Variants in CAPN2 observed in about 807,000 individuals in gnomAD.
CAPN2 encodes calpain-2 catalytic subunit.
CAPN2 carries 92 observed loss-of-function variants against 102.3 expected under a neutral mutation model. That is an observed-to-expected ratio of 0.90 (90% CI 0.76 to 1.07). The LOEUF is 1.07. Ranked by LOEUF, CAPN2 falls within the 50% of genes least tolerant of loss-of-function variation. CAPN2 has a pLI of 0.00. For missense variants in CAPN2, 800 were observed against 909.4 expected (o/e 0.88, Z 1.55); for synonymous variants, 340 against 355.4 (o/e 0.96, Z 0.49).
chr1:223,751,486 A>AGT (rs1660896453), intron 7 of CAPN2, among the ~76,000 whole-genome samples: 1 of 152,198 alleles, frequency 6.6e-6, no homozygotes. Flanking sequence ...AGAGGTGGGC[A>AGT]GTACAGAGGC....
rs1391845266 is a variant in CAPN2, at chr1:223,729,946, G to A, written c.307+12115G>A. ...GAACCCAGAAAGTGAAGGTTGCAGT[G>A]AGCCAGGATTGCACCACTGCACTCC... On this transcript the variant is annotated intron_variant, in intron 2 of 20. Transcript: ENST00000295006. Among the ~76,000 whole-genome samples the A allele has an allele frequency of 1.3e-4, 19 of 141,354 alleles. No individual in the cohort carries two copies. In the Admixed American group the frequency reaches 1.5e-3, roughly 11 times the overall value. 92.7% of individuals were successfully genotyped at this position (141,354 alleles called of 152,430 possible). A position where few individuals can be genotyped will look rare whatever the true frequency, so the allele number is the denominator to read the frequency against.
At chr1:223,758,007 C>T (rs1315848303) in intron 11 of CAPN2, 1 of 152,244 alleles carries the variant, frequency 6.6e-6, no homozygotes, top group Non-Finnish European at 1.5e-5. Flanking sequence ...ACTACAGGCA[C>T]GCACCAGGAT....
chr1:223,762,286 G>A, intron 14 of CAPN2, 35 bp downstream of exon 14: 1 of 1,523,692 alleles, frequency 6.6e-7, no homozygotes. Flanking sequence ...ATGCACTCTG[G>A]TTGATGCAAA....
rs186132578 is a variant in CAPN2, at chr1:223,757,283, C to T, written c.1306-86C>T. The stretch of plus-strand genomic sequence containing the variant: ...GATATTGCTAATGCTACAGAGAAAA[C>T]GGGGGCAGCGGAAGAGAAGAGCACA... On this transcript the variant is annotated intron_variant, in intron 10 of 20. Transcript: ENST00000295006. The T allele has an allele frequency of 7.4e-4, 1,056 of 1,427,836 alleles. 8 individuals are homozygous for T. Among genetic ancestry groups the T allele is most frequent in the Middle Eastern group, 1.8e-4 (1 of 5,698 alleles). 88.4% of individuals were successfully genotyped at this position (1,427,836 alleles called of 1,614,324 possible).
chr1:223,762,999 T>TG (rs1405540018), intron 14 of CAPN2, among the ~76,000 whole-genome samples: 2 of 152,006 alleles, frequency 1.3e-5, no homozygotes, highest in African/African-American at 4.8e-5. Context: ...ATTTTTAAAT[T>TG]TTTTTTAGAG....
intron 20 of CAPN2, 120 bp downstream of exon 20, chr1:223,772,359 G>A (rs1661504028): frequency 1.3e-6 from 1 of 757,104 alleles, no homozygotes; most frequent in Non-Finnish European, 2.2e-6. Context: ...GGTCTGTCGG[G>A]GCCAGGCCTG....
intron 14 of CAPN2, 90 bp downstream of exon 14, chr1:223,762,341 G>A (rs1297132470): frequency 2.9e-6 from 3 of 1,047,524 alleles, no homozygotes; most frequent in Admixed American, 1.8e-5. Context: ...GTTTAAAGGG[G>A]AGAGGAAACA....
At chr1:223,758,876 A>G in intron 11 of CAPN2, 1 of 253,630 alleles carries the variant, frequency 3.9e-6, no homozygotes, top group Non-Finnish European at 7.8e-6. Context: ...TATTTTTTGC[A>G]GAGACAGGGG....
upstream of CAPN2, among the ~76,000 whole-genome samples, chr1:223,708,764 A>G (rs529336731): frequency 5.3e-5 from 8 of 151,752 alleles, no homozygotes; most frequent in Non-Finnish European, 1.0e-4. Flanking sequence ...AGAGTGAAAC[A>G]AGAAAGAAAG....
chr1:223,767,135 AT>A (rs910167276), intron 16 of CAPN2, among the ~76,000 whole-genome samples: 3 of 151,934 alleles, frequency 2.0e-5, no homozygotes, highest in African/African-American at 7.3e-5. Context: ...AGTATTTCTG[AT>A]GTGAATCTGT....
At chr1:223,720,766 A>G (rs1018397537) in intron 2 of CAPN2, among the ~76,000 whole-genome samples, 1 of 151,612 alleles carries the variant, frequency 6.6e-6, no homozygotes, top group Non-Finnish European at 1.5e-5. Context: ...CTGTACAGAT[A>G]AAAAAAAACT....
At chr1:223,772,094 G>A (rs1153950) in intron 19 of CAPN2, 87 bp from the exon 20 acceptor site, 249,765 of 1,302,438 alleles carry the variant, frequency 0.19, 32,348 homozygotes, top group African/African-American at 0.63. Flanking sequence ...ATGGTGGTCA[G>A]TGAAGTCAGT....
At position 223,726,256 on chromosome 1, in the gene CAPN2, C is replaced by T. The variant is rs1371231831; in HGVS notation, c.307+8425C>T. Among the ~76,000 whole-genome samples the T allele has an allele frequency of 6.6e-6, 1 of 152,154 alleles. No individual in the cohort carries two copies. The highest frequency in any genetic ancestry group is 1.9e-4 in the East Asian group (1 of 5,192). On this transcript the variant is annotated intron_variant, in intron 2 of 20. Coordinates refer to ENST00000295006, the MANE Select transcript of CAPN2 (RefSeq NM_001748.5). The surrounding 1 kb of genome is among the most constrained non-coding windows in gnomAD (Gnocchi z 4.4). ...AGCCGAGGGCAAGGTTCCACCTCCT[C>T]CTCCCTTCTTCTGTGGGGTCTGTGA...
Position 223,775,079 on chromosome 1 carries a change from G to A in CAPN2, c.*222G>A, listed in dbSNP as rs982961025. 3.4e-5 allele frequency: 19 copies of A among 557,598 alleles called. No homozygotes were observed. The highest frequency in any genetic ancestry group is 1.0e-4 in the Admixed American group (3 of 29,660). The allele number at this position is 557,598 out of a possible 1,614,324, so 34.5% of individuals were successfully genotyped here. On this transcript the variant is annotated 3_prime_UTR_variant, in exon 21 of 21. Coordinates refer to ENST00000295006, the MANE Select transcript of CAPN2 (RefSeq NM_001748.5). ...TCATTATACTAAATGCAAATGAGTCGCTTAACCCTTGACAAGGTCAAAGAA... is the reference window on the plus strand; with the variant it reads ...TCATTATACTAAATGCAAATGAGTCACTTAACCCTTGACAAGGTCAAAGAA...
Position 223,775,745 on chromosome 1 carries a change from G to A in CAPN2, c.*888G>A, listed in dbSNP as rs1173534745. The A allele has an allele frequency of 6.6e-6, 1 of 152,568 alleles. No individual in the cohort carries two copies. Among genetic ancestry groups the A allele is most frequent in the Non-Finnish European group, 1.5e-5 (1 of 68,012 alleles). The allele number at this position is 152,568 out of a possible 1,614,324, so 9.5% of individuals were successfully genotyped here. On this transcript the variant is annotated 3_prime_UTR_variant, in exon 21 of 21. Transcript: ENST00000295006. ...CAAGTTTGTTTCCTGGCTTTACCTT[G>A]GGAAAATGCTAGCAACATTATAGAA...
intron 20 of CAPN2, chr1:223,772,526 T>A (rs537694140): frequency 2.6e-6 from 1 of 389,860 alleles, no homozygotes; most frequent in East Asian, 3.9e-5. Flanking sequence ...GGATCATGCT[T>A]AGAAAAATGA....
intron 13 of CAPN2, 100 bp downstream of exon 13, chr1:223,761,717 C>G: frequency 1.0e-6 from 1 of 961,364 alleles, no homozygotes; most frequent in Non-Finnish European, 1.6e-6. Context: ...ACGAACAAAG[C>G]CTGAAACTAA....
chr1:223,774,023 G>A (rs1661551360), intron 20 of CAPN2, among the ~76,000 whole-genome samples: 1 of 151,986 alleles, frequency 6.6e-6, no homozygotes. Context: ...ACAGAGCAAG[G>A]CCCTGTCTCA....
intron 11 of CAPN2, chr1:223,757,814 G>A (rs1035181799): frequency 1.6e-5 from 3 of 190,446 alleles, no homozygotes; most frequent in East Asian, 1.3e-4. Flanking sequence ...CCTTGGACAC[G>A]TTACAGCTCC....
Sources: allele counts gnomAD v4.1 joint callset (sites outside exome capture counted in the v4.1 genomes callset), GRCh38; gene constraint gnomAD v4.1.1; non-coding constraint Gnocchi (gnomAD v3.1); transcripts MANE v1.5; gene names NCBI Gene and HGNC (gene_info 2026-07-23, HGNC 2026-07-21).